INSC: variants seen among roughly 807,000 people sequenced by gnomAD.
INSC encodes INSC spindle orientation adaptor protein.
INSC carries 67 observed loss-of-function variants against 58.6 expected under a neutral mutation model. That is an observed-to-expected ratio of 1.14 (90% CI 0.94 to 1.40). The LOEUF is 1.40. INSC is among the 40% of genes most tolerant of loss of function. INSC has a pLI of 0.00. For synonymous variants in INSC, 262 were observed against 276.1 expected (o/e 0.95, Z 0.51); for missense variants, 714 against 692.0 (o/e 1.03, Z -0.36).
At chr11:15,182,526 C>T (rs1849817640) in intron 5 of INSC, among the ~76,000 whole-genome samples, 1 of 152,212 alleles carries the variant, frequency 6.6e-6, no homozygotes, top group Non-Finnish European at 1.5e-5. Context: ...CCTTTTCCTG[C>T]AAAGTCAGGC....
intron 9 of INSC, among the ~76,000 whole-genome samples, chr11:15,235,363 C>T (rs1351803839): frequency 6.6e-6 from 1 of 152,170 alleles, no homozygotes; most frequent in Non-Finnish European, 1.5e-5. Context: ...GTCCTGGGGC[C>T]CTTGGGGGCC....
In INSC at chr11:15,177,263, G is replaced by A. The variant is rs558818763; in HGVS notation, c.455+100G>A. 4.7e-4 allele frequency: 414 copies of A among 879,192 alleles called. 1 individual carries two copies. Among genetic ancestry groups the A allele is most frequent in the South Asian group, 7.3e-4 (53 of 72,884 alleles). 54.5% of individuals were successfully genotyped at this position (879,192 alleles called of 1,614,324 possible). On this transcript the variant is annotated intron_variant, in intron 4 of 12. Coordinates refer to ENST00000379556, the MANE Select transcript of INSC (RefSeq NM_001042536.3). ...CAGAGGGAGAATGGGAATGGGAGGC[G>A]TGGTGGTGGTTTCAGAGTTTCCTTT...
chr11:15,125,015 G>A (rs1160196808), intron 1 of INSC, among the ~76,000 whole-genome samples: 1 of 152,140 alleles, frequency 6.6e-6, no homozygotes, highest in Admixed American at 6.5e-5. Context: ...AAGATGGACT[G>A]TAAACAGGGT....
At position 15,117,252 on chromosome 11, in the gene INSC, C is replaced by T. The variant is rs565756008; in HGVS notation, c.-46+2249C>T. On this transcript the variant is annotated intron_variant, in intron 1 of 12. Coordinates refer to ENST00000379556, the MANE Select transcript of INSC (RefSeq NM_001042536.3). ...CCACCATGCCTGGCCTGAGTTTCTT[C>T]TTTCTTAGTGTTTATGGTTTAGTCT... 2.0e-5 allele frequency among the ~76,000 whole-genome samples: 3 copies of T among 152,060 alleles called. No individual in the cohort carries two copies. In the South Asian group the frequency reaches 6.2e-4, roughly 32 times the overall value.
At chr11:15,208,182 G>A (rs1186584765) in intron 7 of INSC, among the ~76,000 whole-genome samples, 1 of 152,200 alleles carries the variant, frequency 6.6e-6, no homozygotes, top group Non-Finnish European at 1.5e-5. Context: ...GAGAGGGAGA[G>A]AGAATGCCTC....
At chr11:15,203,408 GAA>G (rs1473423833) in intron 7 of INSC, among the ~76,000 whole-genome samples, 3 of 152,216 alleles carry the variant, frequency 2.0e-5, no homozygotes, top group Non-Finnish European at 2.9e-5. Context: ...GCCAGGCACT[GAA>G]GAGGAATAAG....
upstream of INSC, among the ~76,000 whole-genome samples, chr11:15,113,143 T>TTCTTTCTTTCTCTCTC: frequency 1.1e-3 from 112 of 98,440 alleles, 2 homozygotes; most frequent in Non-Finnish European, 1.7e-3. Context: ...CTTTCTTTCT[T>TTCTTTCTTTCTCTCTC]TCTGTCTCTC....
At position 15,178,359 on chromosome 11, in the gene INSC, C is replaced by T; in HGVS notation, c.491C>T (p.Ser164Leu). 6.2e-7 allele frequency: 1 copy of T among 1,613,914 alleles called. No individual in the cohort carries two copies. The highest frequency in any genetic ancestry group is 8.5e-7 in the Non-Finnish European group (1 of 1,180,034). The change falls in exon 5 of 13, where the codon TCA (serine) becomes TTA (leucine). Residue 164 changes from serine to leucine, a missense_variant. Coordinates refer to ENST00000379556, the MANE Select transcript of INSC (RefSeq NM_001042536.3). Reference protein sequence around the residue: ...LQVENEHVLKSMKACVSETLS... With the variant: ...LQVENEHVLKLMKACVSETLS... ...GTTGAGAATGAGCATGTCCTGAAGT[C>T]AATGAAGGCCTGCGTGAGTGAGACC...
chr11:15,200,706 G>C, intron 6 of INSC, 118 bp from the exon 7 acceptor site: 1 of 1,337,736 alleles, frequency 7.5e-7, no homozygotes, highest in Non-Finnish European at 1.0e-6. Context: ...GGCGGGGGTT[G>C]CTGGAGGCAG....
the INSC span, among the ~76,000 whole-genome samples, chr11:15,264,893 C>T: frequency 6.6e-6 from 1 of 151,978 alleles, no homozygotes; most frequent in Non-Finnish European, 1.5e-5. Context: ...TGACCACAAA[C>T]TAACAGAAAG....
chr11:15,243,804 C>T (rs1222618961), intron 12 of INSC, among the ~76,000 whole-genome samples: 1 of 151,916 alleles, frequency 6.6e-6, no homozygotes, highest in Non-Finnish European at 1.5e-5. Flanking sequence ...TCCTTTTTCT[C>T]TCTGCCTCCT....
upstream of INSC, chr11:15,112,494 G>A: frequency 6.2e-7 from 1 of 1,612,046 alleles, no homozygotes; most frequent in Non-Finnish European, 8.5e-7. Flanking sequence ...TGGCAATGGA[G>A]AGGCGGCCAG....
chr11:15,188,752 C>T (rs1352917380), intron 5 of INSC, among the ~76,000 whole-genome samples: 5 of 152,164 alleles, frequency 3.3e-5, no homozygotes, highest in African/African-American at 7.2e-5. Context: ...ACATTGGGTT[C>T]GAATTGTTTA....
chr11:15,217,955 A>T (rs902677053), intron 7 of INSC, among the ~76,000 whole-genome samples: 5 of 152,202 alleles, frequency 3.3e-5, no homozygotes, highest in Non-Finnish European at 7.3e-5. Context: ...TACTACTATC[A>T]TGTCGCAAAA....
chr11:15,178,594 G>A, intron 5 of INSC, 147 bp downstream of exon 5: 1 of 1,034,278 alleles, frequency 9.7e-7, no homozygotes, highest in Non-Finnish European at 1.4e-6. Context: ...GTCAACTCCA[G>A]CATTTGTGAA....
intron 5 of INSC, among the ~76,000 whole-genome samples, chr11:15,187,356 G>C (rs1850007757): frequency 2.0e-5 from 3 of 151,526 alleles, no homozygotes; most frequent in African/African-American, 7.2e-5. Flanking sequence ...AAGTAGAAAA[G>C]AATTTTTAAC....
At chr11:15,152,286 A>C (rs1418935307) in intron 2 of INSC, among the ~76,000 whole-genome samples, 1 of 152,174 alleles carries the variant, frequency 6.6e-6, no homozygotes, top group African/African-American at 2.4e-5. Context: ...TTGTAGGAAG[A>C]TTTGGAATCA....
the INSC span, among the ~76,000 whole-genome samples, chr11:15,254,849 G>A: frequency 6.6e-6 from 1 of 152,140 alleles, no homozygotes; most frequent in Non-Finnish European, 1.5e-5. Context: ...CTCCACCTAG[G>A]AAAGAAGAAA....
upstream of INSC, among the ~76,000 whole-genome samples, chr11:15,111,429 A>G (rs1223313435): frequency 2.0e-5 from 3 of 152,174 alleles, no homozygotes; most frequent in African/African-American, 7.2e-5. Context: ...TGTCCTTCCT[A>G]AAGTGATGTG....
Sources: allele counts gnomAD v4.1 joint callset (sites outside exome capture counted in the v4.1 genomes callset), GRCh38; gene constraint gnomAD v4.1.1; transcripts MANE v1.5; gene names NCBI Gene and HGNC (gene_info 2026-07-23, HGNC 2026-07-21).